ADAMTS2: variants seen among roughly 807,000 people sequenced by gnomAD.
ADAMTS2 encodes the protein A disintegrin and metalloproteinase with thrombospondin motifs 2.
Under a neutral mutation model 123.0 loss-of-function variants are expected in ADAMTS2, and 50 were observed. That is an observed-to-expected ratio of 0.41 (90% confidence interval 0.32 to 0.51). The LOEUF is 0.51. ADAMTS2 is among the 20% of genes least tolerant of loss of function. ADAMTS2 has a pLI of 0.35. For missense variants in ADAMTS2, 1,494 were observed against 1,705.2 expected (o/e 0.88, Z 2.18); for synonymous variants, 678 against 695.4 (o/e 0.98, Z 0.39).
At chr5:179,290,015 T>A (rs1581249484) in intron 2 of ADAMTS2, among the ~76,000 whole-genome samples, 1 of 152,134 alleles carries the variant, frequency 6.6e-6, no homozygotes, top group East Asian at 1.9e-4. Context: ...ACAACCGACA[T>A]GAGTCGGAAG....
At chr5:179,144,432 T>C (rs994611917) in intron 10 of ADAMTS2, among the ~76,000 whole-genome samples, 3 of 152,176 alleles carry the variant, frequency 2.0e-5, no homozygotes, top group African/African-American at 7.2e-5. Context: ...AAAATTCATA[T>C]GGAAAGTCAC....
In ADAMTS2 at chr5:179,202,390, CCT is replaced by C. The variant is rs35102483; in HGVS notation, c.891+5121_891+5122del. Among the ~76,000 whole-genome samples the C allele has an allele frequency of 0.11, 17,355 of 152,122 alleles. 1,049 individuals are homozygous for C. Among genetic ancestry groups the C allele is most frequent in the South Asian group, 0.15 (698 of 4,806 alleles). On this transcript the variant is annotated intron_variant, in intron 4 of 21. Coordinates refer to ENST00000251582, the MANE Select transcript of ADAMTS2 (RefSeq NM_014244.5). The surrounding 1 kb of genome is among the most constrained non-coding windows in gnomAD (Gnocchi z 4.0). The stretch of plus-strand genomic sequence containing the variant: ...CCGTGATATCTCCAGTGCACCAGCC[CCT>C]GAGCTGTAGAAAGTGGCCTGCCTTC...
intron 4 of ADAMTS2, among the ~76,000 whole-genome samples, chr5:179,187,199 A>G (rs1428912415): frequency 6.6e-6 from 1 of 152,112 alleles, no homozygotes; most frequent in Non-Finnish European, 1.5e-5. Context: ...GACTCATCCT[A>G]AAAAATATAT....
In ADAMTS2 at chr5:179,132,593, G is replaced by A. The variant is rs1258751794; in HGVS notation, c.2209+184C>T. Among the ~76,000 whole-genome samples, 5 of 130,386 alleles carry A rather than the reference G, an allele frequency of 3.8e-5. No homozygotes were observed. The highest frequency in any genetic ancestry group is 8.2e-5 in the Non-Finnish European group (5 of 61,296). The allele number at this position is 130,386 out of a possible 152,430, so 85.5% of individuals were successfully genotyped here. Reference sequence around the variant, plus strand: ...CACTCTCCTCTTCCCCACCCACCCTGGCACCCAGCTGGGGCTGTCCCCGAC... The same window carrying A: ...CACTCTCCTCTTCCCCACCCACCCTAGCACCCAGCTGGGGCTGTCCCCGAC... On this transcript the variant is annotated intron_variant, in intron 14 of 21. Coordinates refer to ENST00000251582, the MANE Select transcript of ADAMTS2 (RefSeq NM_014244.5). The surrounding 1 kb of genome is among the most constrained non-coding windows in gnomAD (Gnocchi z 6.1).
intron 4 of ADAMTS2, among the ~76,000 whole-genome samples, chr5:179,204,413 T>C (rs1764631487): frequency 6.6e-6 from 1 of 152,214 alleles, no homozygotes; most frequent in African/African-American, 2.4e-5. Context: ...AGAAGTTAAA[T>C]TAAAAATTCA....
Position 179,242,100 on chromosome 5 carries a change from T to C in ADAMTS2, c.688+30811A>G, listed in dbSNP as rs116436094. 8.7e-3 allele frequency among the ~76,000 whole-genome samples: 1,324 copies of C among 152,244 alleles called. 19 individuals carry two copies. The highest frequency in any genetic ancestry group is 0.029 in the African/African-American group (1,214 of 41,536). On this transcript the variant is annotated intron_variant, in intron 3 of 21. Coordinates refer to ENST00000251582, the MANE Select transcript of ADAMTS2 (RefSeq NM_014244.5). This position sits in a 1 kb window ranked among gnomAD's most constrained non-coding sequence, Gnocchi z 4.2. ...ATGGGTCTTCCATGAGATCTGAACATTGGGAGAAAAAAATATTCCCTTCCT... is the reference window on the plus strand; with the variant it reads ...ATGGGTCTTCCATGAGATCTGAACACTGGGAGAAAAAAATATTCCCTTCCT...
chr5:179,310,715 G>A (rs1371315943), intron 2 of ADAMTS2, among the ~76,000 whole-genome samples: 1 of 152,180 alleles, frequency 6.6e-6, no homozygotes, highest in Non-Finnish European at 1.5e-5. Context: ...CAGGTGGTCT[G>A]ATGACATTGA....
In ADAMTS2 at chr5:179,113,859, C is replaced by T. The variant is rs952013671; in HGVS notation, c.*8G>A. The T allele has an allele frequency of 5.0e-6, 8 of 1,613,264 alleles. No individual in the cohort carries two copies. The African/African-American group carries it at 9.3e-5, about 19-fold the overall frequency. Reference sequence around the variant, plus strand: ...AAAAAATGCTAGGGATGCTATCTTTCCATTTTATTAGAACTTTCCGAGCAT... The same window carrying T: ...AAAAAATGCTAGGGATGCTATCTTTTCATTTTATTAGAACTTTCCGAGCAT... On this transcript the variant is annotated 3_prime_UTR_variant, in exon 22 of 22. Coordinates refer to ENST00000251582, the MANE Select transcript of ADAMTS2 (RefSeq NM_014244.5).
At chr5:179,245,781 A>C (rs1157024125) in intron 3 of ADAMTS2, among the ~76,000 whole-genome samples, 11 of 133,726 alleles carry the variant, frequency 8.2e-5, no homozygotes, top group African/African-American at 1.7e-4. Flanking sequence ...AAAAAAAAAA[A>C]AAAAAAAAAA....
In ADAMTS2 at chr5:179,256,895, G is replaced by T. The variant is rs1274643684; in HGVS notation, c.688+16016C>A. On this transcript the variant is annotated intron_variant, in intron 3 of 21. Transcript: ENST00000251582. This position sits in a 1 kb window ranked among gnomAD's most constrained non-coding sequence, Gnocchi z 4.1. ...GGCGAGGCCGCCCAAGAGCTGCAGG[G>T]CTGAGGCCTGGCTTTAGTCCAGCAC... Among the ~76,000 whole-genome samples the T allele has an allele frequency of 2.0e-5, 3 of 152,382 alleles. No individual in the cohort carries two copies. In the South Asian group the frequency reaches 6.2e-4, roughly 32 times the overall value.
chr5:179,332,461 A>G lies in ADAMTS2; in HGVS notation c.534+11306T>C, dbSNP rs1200754485. 6.6e-6 allele frequency among the ~76,000 whole-genome samples: 1 copy of G among 152,262 alleles called. No homozygotes were observed. The highest frequency in any genetic ancestry group is 1.9e-4 in the East Asian group (1 of 5,192). On this transcript the variant is annotated intron_variant, in intron 2 of 21. Transcript: ENST00000251582. This position sits in a 1 kb window ranked among gnomAD's most constrained non-coding sequence, Gnocchi z 4.2. ...GGGGACTCAGACCAAATCTGATAATAAAAGGTGTTTCTATCACCCTTAACA... is the reference window on the plus strand; with the variant it reads ...GGGGACTCAGACCAAATCTGATAATGAAAGGTGTTTCTATCACCCTTAACA...
chr5:179,290,931 G>C (rs1756167221), intron 2 of ADAMTS2, among the ~76,000 whole-genome samples: 1 of 152,212 alleles, frequency 6.6e-6, no homozygotes, highest in African/African-American at 2.4e-5. Context: ...GCCTATGCCT[G>C]AGCCACCCTG....
chr5:179,169,876 G>T (rs1763780822), intron 5 of ADAMTS2, among the ~76,000 whole-genome samples: 1 of 152,174 alleles, frequency 6.6e-6, no homozygotes, highest in East Asian at 1.9e-4. Flanking sequence ...TCTTGACCTG[G>T]TTTTTTATAA....
Position 179,185,458 on chromosome 5 carries a change from C to A in ADAMTS2, c.892-4303G>T, listed in dbSNP as rs1039227220. 4.6e-5 allele frequency among the ~76,000 whole-genome samples: 7 copies of A among 152,136 alleles called. No individual in the cohort carries two copies. The highest frequency in any genetic ancestry group is 1.7e-4 in the African/African-American group (7 of 41,434). ...ATGCGGGGCTGGCCCTCTCCTGGCT[C>A]CTGGCCAGGCCCTGCCCCTCAGGAC... is the stretch of plus-strand genomic sequence containing the variant. On this transcript the variant is annotated intron_variant, in intron 4 of 21. Coordinates refer to ENST00000251582, the MANE Select transcript of ADAMTS2 (RefSeq NM_014244.5). This position sits in a 1 kb window ranked among gnomAD's most constrained non-coding sequence, Gnocchi z 5.9.
chr5:179,195,502 T>C (rs899232464), intron 4 of ADAMTS2, among the ~76,000 whole-genome samples: 1 of 152,218 alleles, frequency 6.6e-6, no homozygotes, highest in Non-Finnish European at 1.5e-5. Flanking sequence ...CCAAAAAAAG[T>C]AGATTTCCAG....
At chr5:179,223,918 C>CT (rs1765207848) in intron 3 of ADAMTS2, among the ~76,000 whole-genome samples, 1 of 152,254 alleles carries the variant, frequency 6.6e-6, no homozygotes, top group Non-Finnish European at 1.5e-5. Flanking sequence ...TGACCCCTCT[C>CT]TAAGTCCCCA....
At chr5:179,339,882 G>A (rs184791961) in intron 2 of ADAMTS2, among the ~76,000 whole-genome samples, 1 of 152,248 alleles carries the variant, frequency 6.6e-6, no homozygotes, top group Non-Finnish European at 1.5e-5. Flanking sequence ...GAAGGCAGCA[G>A]CCTTGCTGGG....
At position 179,312,667 on chromosome 5, in the gene ADAMTS2, G is replaced by A. The variant is rs1178250016; in HGVS notation, c.534+31100C>T. Among the ~76,000 whole-genome samples the A allele has an allele frequency of 2.0e-5, 3 of 152,254 alleles. No homozygotes were observed. Among genetic ancestry groups the A allele is most frequent in the Non-Finnish European group, 4.4e-5 (3 of 68,044 alleles). On this transcript the variant is annotated intron_variant, in intron 2 of 21. Transcript: ENST00000251582. The surrounding 1 kb of genome is among the most constrained non-coding windows in gnomAD (Gnocchi z 4.2). Reference sequence around the variant, plus strand: ...CAGGCAGAGGAGAAGGCCACGTACAGGCAGAGCAGAGGGAGATGGAGGATG... The same window carrying A: ...CAGGCAGAGGAGAAGGCCACGTACAAGCAGAGCAGAGGGAGATGGAGGATG...
chr5:179,121,823 G>A (rs573137553), intron 20 of ADAMTS2, 73 bp from the exon 21 acceptor site: 5 of 1,017,068 alleles, frequency 4.9e-6, no homozygotes, highest in African/African-American at 3.3e-5. Flanking sequence ...GAGAGGCTCC[G>A]GGTCTCCCGG....
Sources: gnomAD v4.1 joint callset for allele counts (sites outside exome capture counted in the v4.1 genomes callset) on GRCh38, gnomAD v4.1.1 for gene constraint, Gnocchi (gnomAD v3.1) non-coding constraint, MANE v1.5 for transcripts, NCBI Gene and HGNC (gene_info 2026-07-23, HGNC 2026-07-21) for gene names.